Variants in AKAP9 observed in about 807,000 individuals in gnomAD.
AKAP9 encodes A-kinase anchoring protein 9, also known as A-kinase anchor protein 9.
Under a neutral mutation model 488.5 loss-of-function variants are expected in AKAP9, and 311 were observed. The observed-to-expected ratio is 0.64, with a 90% CI of 0.58 to 0.70. The LOEUF (loss-of-function observed/expected upper bound fraction) is 0.70. AKAP9 is among the 30% of genes least tolerant of loss of function. The pLI is 0.00. For missense variants in AKAP9, 4,215 were observed against 4,374.5 expected (o/e 0.96, Z 1.03); for synonymous variants, 1,462 against 1,483.5 (o/e 0.99, Z 0.33).
At chr7:92,100,188 C>T (rs776142447) in intron 44 of AKAP9, 5 of 309,734 alleles carry the variant, frequency 1.6e-5, no homozygotes, top group Non-Finnish European at 3.1e-5. Flanking sequence ...AAGCCAGATA[C>T]TTTGCTACCT....
intron 29 of AKAP9, 85 bp downstream of exon 29, chr7:92,077,092 C>CTTTTTTTTTTTTTTTTTT (rs201649179): frequency 3.4e-6 from 1 of 296,970 alleles, no homozygotes; most frequent in Non-Finnish European, 5.0e-6. Context: ...ATTATTATTT[C>CTTTTTTTTTTTTTTTTTT]TTTCTTTTTT....
At position 92,079,442 on chromosome 7, in the gene AKAP9, C is replaced by T. The variant is rs772366481; in HGVS notation, c.7309C>T (p.Arg2437Cys). The change falls in exon 31 of 50, where the codon CGT (arginine) becomes TGT (cysteine). Residue 2437 changes from arginine (R) to cysteine (C), a missense_variant. Physicochemically the swap from Arg to Cys is radical, Grantham distance 180. Around this residue, in one of 5 missense-constraint regions of AKAP9, gnomAD observed 1,476 missense variants for 1,477.4 expected, o/e 1.00. Transcript: ENST00000356239. ...GGAATTATTCAGCTTAAAGAGAGAACGTGAAAGTGTGGAAAAGATTCAAAG... is the reference window on the plus strand; with the variant it reads ...GGAATTATTCAGCTTAAAGAGAGAATGTGAAAGTGTGGAAAAGATTCAAAG... The part of the protein sequence containing the change: ...TQELFSLKRE[R>C]ESVEKIQSIP... 1.9e-5 allele frequency: 30 copies of T among 1,613,940 alleles called. No homozygotes were observed. The highest frequency in any genetic ancestry group is 1.7e-4 in the Middle Eastern group (1 of 6,060).
chr7:91,948,620 T>C (rs1584526678), intron 1 of AKAP9, among the ~76,000 whole-genome samples: 1 of 95,260 alleles, frequency 1.0e-5, no homozygotes, highest in African/African-American at 3.7e-5. Flanking sequence ...TTTTTTTTTT[T>C]TTTTTTTTGA....
At chr7:92,029,871 T>G in intron 14 of AKAP9, 24 bp from the exon 15 acceptor site, 2 of 1,574,326 alleles carry the variant, frequency 1.3e-6, no homozygotes, top group Non-Finnish European at 1.7e-6. Flanking sequence ...CTCTAATTCT[T>G]TAACCTTTTT....
chr7:91,942,523 C>T (rs1370251443), intron 1 of AKAP9, among the ~76,000 whole-genome samples: 1 of 152,128 alleles, frequency 6.6e-6, no homozygotes, highest in African/African-American at 2.4e-5. Context: ...TATGCATCTA[C>T]GGAAGTAGTG....
intron 14 of AKAP9, among the ~76,000 whole-genome samples, chr7:92,029,129 TC>T (rs1803800881): frequency 6.6e-6 from 1 of 151,870 alleles, no homozygotes; most frequent in Admixed American, 6.6e-5. Context: ...CTTTTTTTTT[TC>T]CCATGGATCC....
At chr7:92,102,010 G>A (rs1054529228) in intron 45 of AKAP9, among the ~76,000 whole-genome samples, 1 of 151,772 alleles carries the variant, frequency 6.6e-6, no homozygotes, top group Non-Finnish European at 1.5e-5. Context: ...ACAAAAATTA[G>A]CCAGGCATGG....
intron 40 of AKAP9, among the ~76,000 whole-genome samples, chr7:92,095,944 G>A (rs1011288026): frequency 3.7e-4 from 57 of 152,040 alleles, no homozygotes; most frequent in African/African-American, 1.2e-3. Context: ...CCTTGCTTTC[G>A]TTATAAGCCC....
At chr7:92,011,527 A>G (rs764121239) in intron 8 of AKAP9, among the ~76,000 whole-genome samples, 8 of 152,208 alleles carry the variant, frequency 5.3e-5, no homozygotes, top group Non-Finnish European at 1.0e-4. Context: ...CTGATTGTAA[A>G]ATTGATATAG....
chr7:92,091,561 G>A (rs1815581551), intron 38 of AKAP9, among the ~76,000 whole-genome samples: 1 of 142,458 alleles, frequency 7.0e-6, no homozygotes, highest in African/African-American at 2.7e-5. Flanking sequence ...ACTCCAGCTT[G>A]GACGACAGGG....
rs766154644 is a variant in AKAP9, at chr7:92,001,379, ATAAAGT to A, written c.1466_1471del (p.Lys489_Leu490del). On this transcript the variant is annotated inframe_deletion, in exon 8 of 50. Transcript: ENST00000356239. ...AAATATTACAGTTAATGAAGATCAG[ATAAAGT>A]TAATGAATGTGGCAATAAATGAACT... is the stretch of plus-strand genomic sequence containing the variant. 3 of 1,613,762 alleles carry A rather than the reference ATAAAGT, an allele frequency of 1.9e-6. No individual in the cohort carries two copies. Among genetic ancestry groups the A allele is most frequent in the Admixed American group, 1.7e-5 (1 of 59,992 alleles).
intron 21 of AKAP9, among the ~76,000 whole-genome samples, chr7:92,051,778 T>C (rs1309909064): frequency 6.6e-6 from 1 of 152,204 alleles, no homozygotes; most frequent in Non-Finnish European, 1.5e-5. Flanking sequence ...CTGCTTTAAT[T>C]GGTTAACTTT....
chr7:91,953,880 A>G (rs1057216175), intron 1 of AKAP9, among the ~76,000 whole-genome samples: 2 of 134,698 alleles, frequency 1.5e-5, no homozygotes, highest in Admixed American at 1.8e-4. Flanking sequence ...GTTATATGTT[A>G]TGTTGTACAA....
chr7:92,071,555 C>T (rs1811737680), intron 28 of AKAP9, among the ~76,000 whole-genome samples: 1 of 151,984 alleles, frequency 6.6e-6, no homozygotes, highest in South Asian at 2.1e-4. Context: ...TTCCAAAAAA[C>T]TAAAAATCTA....
intron 37 of AKAP9, among the ~76,000 whole-genome samples, chr7:92,087,886 AAT>A (rs892629279): frequency 2.4e-3 from 364 of 150,784 alleles, no homozygotes; most frequent in African/African-American, 8.5e-3. Flanking sequence ...TAAATAAATA[AAT>A]ATATATATAA....
At chr7:92,098,327 A>G in intron 43 of AKAP9, 113 bp downstream of exon 43, 1 of 634,920 alleles carries the variant, frequency 1.6e-6, no homozygotes. Context: ...TTTTATTTGT[A>G]TCTTTTTATT....
chr7:91,980,518 T>TTTTTTC (rs1554393473), intron 3 of AKAP9, among the ~76,000 whole-genome samples, 185 bp downstream of exon 3: 2 of 143,030 alleles, frequency 1.4e-5, no homozygotes, highest in South Asian at 2.2e-4. Flanking sequence ...TTTTTTTTTT[T>TTTTTTC]CAGATTATTA....
intron 1 of AKAP9, among the ~76,000 whole-genome samples, chr7:91,965,718 G>A (rs1794363762): frequency 6.6e-6 from 1 of 152,174 alleles, no homozygotes; most frequent in African/African-American, 2.4e-5. Context: ...TTTGATGAAA[G>A]TCAGTTTAAC....
At chr7:92,048,179 T>C (rs1271954405) in intron 21 of AKAP9, among the ~76,000 whole-genome samples, 1 of 152,248 alleles carries the variant, frequency 6.6e-6, no homozygotes, top group East Asian at 1.9e-4. Context: ...TTATGTTTTT[T>C]AGTATAACAA....
Sources: gnomAD v4.1 joint callset for allele counts (sites outside exome capture counted in the v4.1 genomes callset) on GRCh38, gnomAD v4.1.1 for gene constraint, gnomAD v4.1.1 regional missense constraint, MANE v1.5 for transcripts, NCBI Gene and HGNC (gene_info 2026-07-23, HGNC 2026-07-21) for gene names.